LZTS1: variants seen among roughly 807,000 people sequenced by gnomAD.
LZTS1 encodes the protein leucine zipper putative tumor suppressor 1.
In LZTS1, 31 loss-of-function variants were observed where a neutral mutation model predicts 45.8. The observed-to-expected ratio is 0.68, with a 90% CI of 0.51 to 0.91. The LOEUF (loss-of-function observed/expected upper bound fraction) is 0.91, where lower values mean the gene tolerates loss of function less well. LZTS1 is among the 40% of genes least tolerant of loss of function. The pLI is 0.00. For missense variants in LZTS1, 821 were observed against 788.9 expected, an observed-to-expected ratio of 1.04 and a Z score of -0.49; for synonymous variants, 359 against 357.3, an observed-to-expected ratio of 1.00 and a Z score of -0.05.
intron 2 of LZTS1, among the ~76,000 whole-genome samples, chr8:20,253,824 C>T (rs1203633868): frequency 6.6e-6 from 1 of 152,168 alleles, no homozygotes; most frequent in Non-Finnish European, 1.5e-5. Flanking sequence ...GAAATAGCAA[C>T]CTGCCACCAG....
intron 1 of LZTS1, among the ~76,000 whole-genome samples, chr8:20,266,523 G>C (rs780397401): frequency 5.3e-5 from 8 of 151,984 alleles, no homozygotes; most frequent in Non-Finnish European, 1.0e-4. Flanking sequence ...TGTAGACTTT[G>C]AGACAACTGG....
intron 1 of LZTS1, among the ~76,000 whole-genome samples, chr8:20,294,103 G>A (rs1036920749): frequency 6.6e-6 from 1 of 152,168 alleles, no homozygotes; most frequent in African/African-American, 2.4e-5. Flanking sequence ...CTGAGGTGTT[G>A]TGTTTGCATG....
rs1800321247 is a variant in LZTS1 at position 20,265,136 on chromosome 8, G to C, written c.-134-9821C>G. Among the ~76,000 whole-genome samples the C allele has an allele frequency of 2.0e-5, 3 of 152,142 alleles. No individual in the cohort carries two copies. The South Asian group carries it at 6.2e-4, about 32-fold the overall frequency. On this transcript the variant is annotated intron_variant, in intron 1 of 3. Transcript: ENST00000381569. ...GAATGGCTGGTAGGTTGCCGGGCAGGGATCAGAGTTCTGCCTGTAGCTCTC... is the reference window on the plus strand; with the variant it reads ...GAATGGCTGGTAGGTTGCCGGGCAGCGATCAGAGTTCTGCCTGTAGCTCTC...
In LZTS1 at chr8:20,254,907, C is replaced by G. The variant is rs151247193; in HGVS notation, c.275G>C (p.Gly92Ala). The G allele has an allele frequency of 7.1e-4, 1,139 of 1,614,182 alleles. 11 individuals are homozygous for G. The highest frequency in any genetic ancestry group is 2.7e-4 in the Admixed American group (16 of 60,022). ...YTALSSGDLG[G>A]QAGVDFDPST... The stretch of plus-strand genomic sequence containing the variant: ...CGGGTCAAAGTCCACCCCAGCCTGG[C>G]CCCCTAAATCCCCGCTGGACAGTGC... The change falls in exon 2 of 4, where the codon GGC (glycine) becomes GCC (alanine). Residue 92 changes from glycine to alanine, a missense_variant. Coordinates refer to ENST00000381569, the MANE Select transcript of LZTS1 (RefSeq NM_021020.5).
intron 1 of LZTS1, among the ~76,000 whole-genome samples, chr8:20,258,244 C>G (rs960531924): frequency 2.6e-5 from 4 of 152,202 alleles, no homozygotes; most frequent in Non-Finnish European, 4.4e-5. Context: ...TGGAAGGAGC[C>G]TCTGTTCTTC....
At chr8:20,266,617 G>C (rs1800362157) in intron 1 of LZTS1, among the ~76,000 whole-genome samples, 1 of 151,884 alleles carries the variant, frequency 6.6e-6, no homozygotes, top group South Asian at 2.1e-4. Context: ...AAAAATACAA[G>C]GCAGAGTTTC....
intron 1 of LZTS1, 111 bp downstream of exon 1, chr8:20,303,629 A>C: frequency 1.1e-6 from 1 of 905,146 alleles, no homozygotes; most frequent in Non-Finnish European, 1.3e-6. Flanking sequence ...ACAAAGACCG[A>C]CGGACGCGCG....
chr8:20,271,143 C>G (rs569455267), intron 1 of LZTS1, among the ~76,000 whole-genome samples: 2 of 152,232 alleles, frequency 1.3e-5, no homozygotes, highest in South Asian at 4.2e-4. Flanking sequence ...CTCTACCTGT[C>G]CTGAGTTAAA....
intron 1 of LZTS1, among the ~76,000 whole-genome samples, chr8:20,298,135 C>T (rs1801009638): frequency 2.0e-5 from 3 of 152,048 alleles, no homozygotes; most frequent in South Asian, 4.1e-4. Flanking sequence ...GATCTCCACT[C>T]ACTGCAACCT....
At chr8:20,284,835 C>CCTGATAAGTG in intron 1 of LZTS1, among the ~76,000 whole-genome samples, 1 of 152,286 alleles carries the variant, frequency 6.6e-6, no homozygotes, top group East Asian at 1.9e-4. Flanking sequence ...CACTTATCTG[C>CCTGATAAGTG]CTGATAACCT....
intron 1 of LZTS1, among the ~76,000 whole-genome samples, chr8:20,288,997 T>TG (rs1800849015): frequency 6.6e-6 from 1 of 150,660 alleles, no homozygotes; most frequent in Non-Finnish European, 1.5e-5. Flanking sequence ...GTTTTTTTTT[T>TG]TTTTTTTTTT....
rs1185971885 is a variant in LZTS1 at position 20,253,387 on chromosome 8, G to A, written c.544C>T (p.Leu182=). The A allele has an allele frequency of 6.2e-7, 1 of 1,612,836 alleles. No individual in the cohort carries two copies. The highest frequency in any genetic ancestry group is 8.5e-7 in the Non-Finnish European group (1 of 1,179,318). The change falls in exon 3 of 4, where the codon CTG becomes TTG. Residue 182 remains leucine (L), a synonymous_variant. Coordinates refer to ENST00000381569, the MANE Select transcript of LZTS1 (RefSeq NM_021020.5). ...SDSGRNSMSS[L]PTHSTSSSYQ... ...CTGCTGCTGGTGCTGTGTGTGGGCA[G>A]GCTGGACATGGAGTTCCGGCCGGAG...
intron 1 of LZTS1, among the ~76,000 whole-genome samples, chr8:20,275,105 G>A (rs1243132061): frequency 6.6e-6 from 1 of 152,080 alleles, no homozygotes; most frequent in African/African-American, 2.4e-5. Flanking sequence ...ATTAACTGGG[G>A]ACAGAAAGAA....
At chr8:20,287,269 G>A (rs2128898233) in intron 1 of LZTS1, among the ~76,000 whole-genome samples, 1 of 152,304 alleles carries the variant, frequency 6.6e-6, no homozygotes, top group South Asian at 2.1e-4. Context: ...GACTTTACAT[G>A]GAGTAAAGTC....
At chr8:20,251,372 G>A (rs1362164300) in intron 3 of LZTS1, among the ~76,000 whole-genome samples, 1 of 151,896 alleles carries the variant, frequency 6.6e-6, no homozygotes, top group Non-Finnish European at 1.5e-5. Flanking sequence ...ATCCTGGGTA[G>A]GGTCGGATTT....
Position 20,252,995 on chromosome 8 carries a change from T to G in LZTS1, c.936A>C (p.Lys312Asn). ...AGGCCTGCTTGAGCTTGTTGCCGCCTTTGGGCTCCGGGCCCTCCAGCTCGT... is the reference window on the plus strand; with the variant it reads ...AGGCCTGCTTGAGCTTGTTGCCGCCGTTGGGCTCCGGGCCCTCCAGCTCGT... ...CRDELEGPEP[K>N]GGNKLKQASQ... Residue 312 changes from lysine to asparagine, a missense_variant, in exon 3 of 4, where the codon AAA (lysine) becomes AAC (asparagine). Physicochemically the swap from Lys to Asn is moderately conservative, Grantham distance 94. Coordinates refer to ENST00000381569, the MANE Select transcript of LZTS1 (RefSeq NM_021020.5). 6.3e-7 allele frequency: 1 copy of G among 1,590,342 alleles called. No individual in the cohort carries two copies. Among genetic ancestry groups the G allele is most frequent in the South Asian group, 1.1e-5 (1 of 90,202 alleles).
chr8:20,262,633 A>G (rs914513560), intron 1 of LZTS1, among the ~76,000 whole-genome samples: 1 of 152,168 alleles, frequency 6.6e-6, no homozygotes, highest in African/African-American at 2.4e-5. Context: ...GTCTGTATGA[A>G]CTTGGGCTTG....
Position 20,271,537 on chromosome 8 carries a change from G to A in LZTS1, c.-134-16222C>T, listed in dbSNP as rs112475550. On this transcript the variant is annotated intron_variant, in intron 1 of 3. Transcript: ENST00000381569. ...TCCGAAGAGCCACCTGTAGATGCTCGGGGTCACTCCCACTTTGCTTCTGAA... is the reference window on the plus strand; with the variant it reads ...TCCGAAGAGCCACCTGTAGATGCTCAGGGTCACTCCCACTTTGCTTCTGAA... Among the ~76,000 whole-genome samples the A allele has an allele frequency of 4.4e-4, 67 of 152,176 alleles. 1 individual carries two copies. The South Asian group carries it at 7.1e-3, about 16-fold the overall frequency.
At chr8:20,269,564 T>C (rs1358702022) in intron 1 of LZTS1, among the ~76,000 whole-genome samples, 1 of 152,056 alleles carries the variant, frequency 6.6e-6, no homozygotes, top group Non-Finnish European at 1.5e-5. Flanking sequence ...GAAACATAGG[T>C]TTTACCCATT....
Sources: allele counts gnomAD v4.1 joint callset (sites outside exome capture counted in the v4.1 genomes callset), GRCh38; gene constraint gnomAD v4.1.1; transcripts MANE v1.5; gene names NCBI Gene and HGNC (gene_info 2026-07-23, HGNC 2026-07-21).